Variants in ASXL2 observed in about 807,000 individuals in gnomAD.
ASXL2 encodes ASXL transcriptional regulator 2, also known as putative Polycomb group protein ASXL2.
A neutral mutation model predicts 122.0 loss-of-function variants in ASXL2; 23 were observed. The observed-to-expected ratio is 0.19, with a 90% CI of 0.14 to 0.27. ASXL2 has a LOEUF of 0.27. Among genes scored for constraint, ASXL2 ranks in the 10% least tolerant of loss-of-function variants. The pLI is 1.00. For synonymous variants in ASXL2, 650 were observed against 637.0 expected (o/e 1.02, Z -0.31); for missense variants, 1,518 against 1,713.8 (o/e 0.89, Z 2.02).
chr2:25,875,982 A>G (rs2090006681), intron 1 of ASXL2, among the ~76,000 whole-genome samples: 1 of 152,112 alleles, frequency 6.6e-6, no homozygotes, highest in South Asian at 2.1e-4. Context: ...TTTATCCCAA[A>G]AACAGAAATA....
chr2:25,872,882 A>T (rs933961248), intron 1 of ASXL2, among the ~76,000 whole-genome samples: 2 of 150,148 alleles, frequency 1.3e-5, no homozygotes, highest in Non-Finnish European at 1.5e-5. Context: ...TCTCAGGAGA[A>T]TTTTTTTTTT....
In ASXL2 at chr2:25,740,394, A is replaced by G; in HGVS notation, c.*1635T>C. The G allele has an allele frequency of 4.4e-6, 1 of 225,974 alleles. No homozygotes were observed. The highest frequency in any genetic ancestry group is 8.8e-6 in the Non-Finnish European group (1 of 113,562). 14.0% of individuals were successfully genotyped at this position (225,974 alleles called of 1,614,324 possible). Reference sequence around the variant, plus strand: ...GTTTAAACTGTTCTGCATTTTGTAAATATCACATCCTGAATATGAAGGACA... The same window carrying G: ...GTTTAAACTGTTCTGCATTTTGTAAGTATCACATCCTGAATATGAAGGACA... On this transcript the variant is annotated 3_prime_UTR_variant, in exon 13 of 13. Transcript: ENST00000435504.
At chr2:25,834,606 G>GT (rs2089488069) in intron 3 of ASXL2, among the ~76,000 whole-genome samples, 1 of 152,130 alleles carries the variant, frequency 6.6e-6, no homozygotes. Context: ...CCATGTCCAA[G>GT]TAACATGAAA....
chr2:25,798,000 G>A (rs773397729), intron 5 of ASXL2, among the ~76,000 whole-genome samples: 2 of 152,206 alleles, frequency 1.3e-5, no homozygotes, highest in Admixed American at 6.5e-5. Context: ...CCTTCAGTAG[G>A]TGAATGTATA....
chr2:25,852,097 G>A (rs2089723331), intron 1 of ASXL2, among the ~76,000 whole-genome samples: 1 of 152,054 alleles, frequency 6.6e-6, no homozygotes. Flanking sequence ...GTTAGCTTAC[G>A]TTAACCACAG....
intron 3 of ASXL2, among the ~76,000 whole-genome samples, chr2:25,831,984 A>G (rs2089459187): frequency 6.6e-6 from 1 of 152,244 alleles, no homozygotes; most frequent in Non-Finnish European, 1.5e-5. Context: ...TGTGAATTCT[A>G]TATCTGATGA....
At position 25,843,656 on chromosome 2, in the gene ASXL2, G is replaced by A. The variant is rs374093606; in HGVS notation, c.140+1825C>T. Reference sequence around the variant, plus strand: ...TAAAAAAACTCAACTAGAATTTCACGTCAGAGAAAAGAAAATGAGTGCCCA... The same window carrying A: ...TAAAAAAACTCAACTAGAATTTCACATCAGAGAAAAGAAAATGAGTGCCCA... On this transcript the variant is annotated intron_variant, in intron 2 of 12. Coordinates refer to ENST00000435504, the MANE Select transcript of ASXL2 (RefSeq NM_018263.6). Among the ~76,000 whole-genome samples, 6 of 151,640 alleles carry A rather than the reference G, an allele frequency of 4.0e-5. No individual in the cohort carries two copies. The East Asian group carries it at 7.7e-4, about 20-fold the overall frequency.
chr2:25,810,298 T>C, intron 3 of ASXL2: 1 of 642,668 alleles, frequency 1.6e-6, no homozygotes, highest in South Asian at 1.4e-5. Flanking sequence ...TCATACTTCC[T>C]ATCTGCCTAT....
intron 1 of ASXL2, among the ~76,000 whole-genome samples, chr2:25,875,644 A>G (rs1210908360): frequency 1.3e-5 from 2 of 152,168 alleles, no homozygotes; most frequent in Non-Finnish European, 2.9e-5. Flanking sequence ...CTATTGGTAT[A>G]TTATTGGTCA....
intron 3 of ASXL2, among the ~76,000 whole-genome samples, chr2:25,828,853 A>C (rs1473781675): frequency 1.3e-5 from 2 of 150,434 alleles, no homozygotes; most frequent in South Asian, 2.1e-4. Flanking sequence ...AAAAAACAAC[A>C]ACCTTGTCCA....
chr2:25,813,906 C>T (rs1289662222), intron 3 of ASXL2, among the ~76,000 whole-genome samples: 2 of 152,048 alleles, frequency 1.3e-5, no homozygotes, highest in South Asian at 2.1e-4. Context: ...AAAAATTAGC[C>T]GGGCGTGATG....
At chr2:25,820,147 C>T (rs183664216) in intron 3 of ASXL2, among the ~76,000 whole-genome samples, 1 of 152,224 alleles carries the variant, frequency 6.6e-6, no homozygotes, top group East Asian at 1.9e-4. Context: ...AACTCCTGCA[C>T]TCAAGCAATC....
chr2:25,789,499 C>A (rs1241648806), intron 5 of ASXL2, among the ~76,000 whole-genome samples: 1 of 151,976 alleles, frequency 6.6e-6, no homozygotes, highest in Non-Finnish European at 1.5e-5. Context: ...GATACTAGGG[C>A]AATATTTTGC....
Position 25,740,338 on chromosome 2 carries a change from T to A in ASXL2, c.*1691A>T, listed in dbSNP as rs930560539. 2 of 224,414 alleles carry A rather than the reference T, an allele frequency of 8.9e-6. No individual in the cohort carries two copies. Among genetic ancestry groups the A allele is most frequent in the Non-Finnish European group, 1.8e-5 (2 of 112,490 alleles). 13.9% of individuals were successfully genotyped at this position (224,414 alleles called of 1,614,324 possible). A position where few individuals can be genotyped will look rare whatever the true frequency, so the allele number is the denominator to read the frequency against. On this transcript the variant is annotated 3_prime_UTR_variant, in exon 13 of 13. Transcript: ENST00000435504. ...GCAAAACAGAGATGATTATTGCCCA[T>A]TTTCTCCTAATCTGGAATGTGACTT...
chr2:25,794,633 T>C (rs372938163), intron 5 of ASXL2, among the ~76,000 whole-genome samples: 1 of 152,210 alleles, frequency 6.6e-6, no homozygotes, highest in South Asian at 2.1e-4. Flanking sequence ...CTGTTCCTAT[T>C]TGGCTGAAAG....
intron 1 of ASXL2, among the ~76,000 whole-genome samples, chr2:25,870,156 A>C (rs987564780): frequency 5.3e-5 from 8 of 152,226 alleles, no homozygotes; most frequent in Admixed American, 2.0e-4. Context: ...ACTCAGATGC[A>C]TCTTCAGAAG....
intron 1 of ASXL2, among the ~76,000 whole-genome samples, chr2:25,853,988 A>G (rs1258580672): frequency 1.3e-5 from 2 of 152,204 alleles, no homozygotes; most frequent in Non-Finnish European, 2.9e-5. Context: ...TTGGGCGCAG[A>G]AACTTGAGTG....
chr2:25,778,926 CCACACTAGGAGTGCT>C (rs1293128478), intron 5 of ASXL2, among the ~76,000 whole-genome samples: 2 of 152,062 alleles, frequency 1.3e-5, no homozygotes, highest in East Asian at 3.8e-4. Context: ...AGTGTGCACA[CCACACTAGGAGTGCT>C]CACTGTCAAT....
chr2:25,825,878 ACTCT>A (rs1221074343), intron 3 of ASXL2, among the ~76,000 whole-genome samples: 3 of 152,148 alleles, frequency 2.0e-5, no homozygotes, highest in South Asian at 2.1e-4. Context: ...AGTTTACACA[ACTCT>A]CTCTCTGTTT....
Sources: allele counts gnomAD v4.1 joint callset (sites outside exome capture counted in the v4.1 genomes callset), GRCh38; gene constraint gnomAD v4.1.1; transcripts MANE v1.5; gene names NCBI Gene and HGNC (gene_info 2026-07-23, HGNC 2026-07-21).